The following SQOR variants were observed in gnomAD, a reference collection of about 807,000 sequenced individuals.
SQOR encodes the protein sulfide quinone oxidoreductase.
In SQOR, 39 loss-of-function variants were observed where a neutral mutation model predicts 48.6. The ratio of observed to expected loss-of-function variants is 0.80; its 90% CI spans 0.62 to 1.05. SQOR has a LOEUF of 1.05. SQOR is among the 50% of genes least tolerant of loss of function. The pLI is 0.00. For synonymous variants in SQOR, 220 were observed against 206.2 expected, an observed-to-expected ratio of 1.07 and a Z score of -0.57; for missense variants, 561 against 559.9, an observed-to-expected ratio of 1.00 and a Z score of -0.02.
chr15:45,679,238 G>A (rs535804030), intron 6 of SQOR, among the ~76,000 whole-genome samples: 22 of 152,358 alleles, frequency 1.4e-4, no homozygotes, highest in Admixed American at 5.2e-4. Flanking sequence ...CCAGAAGGAT[G>A]TAAAGCTGTG....
chr15:45,653,555 GTTA>G (rs1237636289), intron 1 of SQOR, among the ~76,000 whole-genome samples: 6 of 152,296 alleles, frequency 3.9e-5, no homozygotes, highest in South Asian at 4.1e-4. Context: ...CTCTTGTCTT[GTTA>G]TAGAGCTCAA....
chr15:45,658,734 G>T (rs112623986), intron 1 of SQOR, among the ~76,000 whole-genome samples, 173 bp from the exon 2 acceptor site: 21 of 152,330 alleles, frequency 1.4e-4, no homozygotes, highest in African/African-American at 5.1e-4. Context: ...CTACCAATTG[G>T]GTGCTCTCAG....
intron 6 of SQOR, among the ~76,000 whole-genome samples, chr15:45,681,704 GAAT>G (rs1228557561): frequency 2.0e-5 from 3 of 151,862 alleles, no homozygotes; most frequent in African/African-American, 4.8e-5. Context: ...TAAATAAAAA[GAAT>G]AATAAGAACC....
At chr15:45,679,442 G>A (rs1380287069) in intron 6 of SQOR, among the ~76,000 whole-genome samples, 1 of 152,186 alleles carries the variant, frequency 6.6e-6, no homozygotes, top group Admixed American at 6.5e-5. Flanking sequence ...GGTGGCTCAA[G>A]TCTATAATCC....
intron 3 of SQOR, among the ~76,000 whole-genome samples, chr15:45,666,420 A>G (rs985460861): frequency 6.6e-6 from 1 of 152,158 alleles, no homozygotes; most frequent in Non-Finnish European, 1.5e-5. Flanking sequence ...GGCACATAGA[A>G]GGTGCTCAGT....
At chr15:45,650,580 C>T (rs867712733) in intron 1 of SQOR, among the ~76,000 whole-genome samples, 1 of 152,226 alleles carries the variant, frequency 6.6e-6, no homozygotes, top group African/African-American at 2.4e-5. Flanking sequence ...AGGACTGCCA[C>T]CGCTCGCTCG....
Position 45,658,895 on chromosome 15 carries a change from C to G in SQOR, c.-17-12C>G. 1 of 1,490,772 alleles carries G rather than the reference C, an allele frequency of 6.7e-7. No homozygotes were observed. The highest frequency in any genetic ancestry group is 9.0e-7 in the Non-Finnish European group (1 of 1,113,902). The allele number at this position is 1,490,772 out of a possible 1,614,324, so 92.3% of individuals were successfully genotyped here. On this transcript the variant is annotated splice_polypyrimidine_tract_variant and intron_variant, in intron 1 of 9. Transcript: ENST00000260324. The stretch of plus-strand genomic sequence containing the variant: ...TACCTTGGCACTCACAGCCCTGTCT[C>G]TTCCCTTCCAGCCTGATCCTGCCTG...
chr15:45,685,044 A>G (rs1037039333), intron 7 of SQOR, among the ~76,000 whole-genome samples: 2 of 152,178 alleles, frequency 1.3e-5, no homozygotes, highest in African/African-American at 4.8e-5. Flanking sequence ...CAGTACCATA[A>G]TGAGTGCTCT....
At chr15:45,677,313 G>A (rs572054426) in intron 6 of SQOR, among the ~76,000 whole-genome samples, 6 of 151,510 alleles carry the variant, frequency 4.0e-5, no homozygotes, top group Non-Finnish European at 7.4e-5. Context: ...GCTCTCTTTA[G>A]CCCCAAATAC....
chr15:45,661,433 TAGA>T (rs755927197), intron 2 of SQOR, among the ~76,000 whole-genome samples: 6 of 151,748 alleles, frequency 4.0e-5, no homozygotes, highest in Non-Finnish European at 8.8e-5. Flanking sequence ...TCTGAGAAAG[TAGA>T]AGAAGGGCTG....
At chr15:45,650,849 G>A (rs150241296) in intron 1 of SQOR, among the ~76,000 whole-genome samples, 1 of 152,196 alleles carries the variant, frequency 6.6e-6, no homozygotes, top group Non-Finnish European at 1.5e-5. Context: ...GTCCCCACCA[G>A]ATTAGCTAGA....
intron 3 of SQOR, among the ~76,000 whole-genome samples, chr15:45,663,208 G>A (rs1160455516): frequency 2.6e-5 from 4 of 151,996 alleles, no homozygotes; most frequent in African/African-American, 4.8e-5. Context: ...TGGTAGTGAC[G>A]GGGTTTTACC....
rs185264751 is a variant in SQOR, at chr15:45,670,020, C to G, written c.459+39C>G. 3.1e-4 allele frequency: 493 copies of G among 1,583,324 alleles called. 3 individuals are homozygous for G. The highest frequency in any genetic ancestry group is 2.5e-3 in the Middle Eastern group (15 of 5,990). On this transcript the variant is annotated intron_variant, in intron 4 of 9. Transcript: ENST00000260324. ...CTGTTTCTGTGTTACGCTGGCTTAT[C>G]TATGCCAAGAGCAAATGCTGCATTT...
intron 1 of SQOR, among the ~76,000 whole-genome samples, chr15:45,635,666 C>G (rs899891858): frequency 2.0e-5 from 3 of 152,202 alleles, no homozygotes; most frequent in Non-Finnish European, 2.9e-5. Flanking sequence ...CATTTCCTTT[C>G]CTCTTCATCT....
At chr15:45,670,638 A>C (rs901822767) in intron 4 of SQOR, among the ~76,000 whole-genome samples, 4 of 152,252 alleles carry the variant, frequency 2.6e-5, no homozygotes, top group Non-Finnish European at 2.9e-5. Flanking sequence ...GGAGTACAGG[A>C]AACATCTGTG....
chr15:45,637,544 G>A (rs1895025868), intron 1 of SQOR, among the ~76,000 whole-genome samples: 1 of 152,294 alleles, frequency 6.6e-6, no homozygotes, highest in East Asian at 1.9e-4. Context: ...GAGACAGCTG[G>A]TGGTTTGGGA....
At chr15:45,646,237 G>A (rs1365148824) in intron 1 of SQOR, among the ~76,000 whole-genome samples, 1 of 152,210 alleles carries the variant, frequency 6.6e-6, no homozygotes, top group African/African-American at 2.4e-5. Context: ...TATCGCAGCA[G>A]AGAGGCCATC....
intron 7 of SQOR, 102 bp downstream of exon 7, chr15:45,682,763 C>A: frequency 7.3e-7 from 1 of 1,378,566 alleles, no homozygotes; most frequent in South Asian, 1.3e-5. Flanking sequence ...GACGGTGGTT[C>A]CTGCCTGTAA....
intron 1 of SQOR, among the ~76,000 whole-genome samples, chr15:45,655,024 A>T (rs1421802609): frequency 6.6e-6 from 1 of 152,144 alleles, no homozygotes; most frequent in Non-Finnish European, 1.5e-5. Context: ...CTTGAACATG[A>T]TTGCCAGCAT....
Sources: gnomAD v4.1 joint callset for allele counts (sites outside exome capture counted in the v4.1 genomes callset) on GRCh38, gnomAD v4.1.1 for gene constraint, MANE v1.5 for transcripts, NCBI Gene and HGNC (gene_info 2026-07-23, HGNC 2026-07-21) for gene names.